Variants in PTPRT observed in about 807,000 individuals in gnomAD.
PTPRT encodes receptor-type tyrosine-protein phosphatase T.
Under a neutral mutation model 176.8 loss-of-function variants are expected in PTPRT, and 56 were observed. The ratio of observed to expected loss-of-function variants is 0.32; its 90% CI spans 0.26 to 0.40. PTPRT has a LOEUF of 0.40. Ranked by LOEUF, PTPRT falls within the 10% of genes least tolerant of loss-of-function variation. The probability of loss-of-function intolerance (pLI) is 1.00; values close to 1 mark genes in which losing one functional copy is unlikely to be tolerated. For synonymous variants in PTPRT, 783 were observed against 739.0 expected (o/e 1.06, Z -0.96); for missense variants, 1,540 against 1,908.2 (o/e 0.81, Z 3.60).
Position 43,070,637 on chromosome 20 carries a change from A to G in PTPRT, c.88+119009T>C, listed in dbSNP as rs184388091. Reference sequence around the variant, plus strand: ...TGGCACATATACACCATGGAATACTATGCAGCCATAAAAGAGGATGAGTTC... The same window carrying G: ...TGGCACATATACACCATGGAATACTGTGCAGCCATAAAAGAGGATGAGTTC... On this transcript the variant is annotated intron_variant, in intron 1 of 30. Transcript: ENST00000373187. Among the ~76,000 whole-genome samples the G allele has an allele frequency of 4.3e-3, 659 of 152,338 alleles. 5 individuals are homozygous for G. The highest frequency in any genetic ancestry group is 0.017 in the Middle Eastern group (5 of 294).
intron 2 of PTPRT, among the ~76,000 whole-genome samples, chr20:42,850,870 G>A (rs1429392222): frequency 1.3e-5 from 2 of 152,118 alleles, no homozygotes; most frequent in African/African-American, 2.4e-5. Context: ...ACCTCCTGAC[G>A]CCCTTTCTTC....
At chr20:42,270,107 T>A (rs1479287996) in intron 13 of PTPRT, among the ~76,000 whole-genome samples, 1 of 152,164 alleles carries the variant, frequency 6.6e-6, no homozygotes, top group African/African-American at 2.4e-5. Context: ...TATCTTCTTT[T>A]GCTCATCATT....
chr20:42,890,460 G>A (rs1354871551), intron 1 of PTPRT, among the ~76,000 whole-genome samples: 1 of 152,160 alleles, frequency 6.6e-6, no homozygotes, highest in Non-Finnish European at 1.5e-5. Context: ...TGAACAAGAT[G>A]ATTGCAATGA....
At chr20:42,495,313 C>G (rs1350295167) in intron 7 of PTPRT, among the ~76,000 whole-genome samples, 1 of 152,176 alleles carries the variant, frequency 6.6e-6, no homozygotes, top group African/African-American at 2.4e-5. Flanking sequence ...AACTGGGCAC[C>G]TAGCCCTCTA....
intron 12 of PTPRT, among the ~76,000 whole-genome samples, chr20:42,314,587 C>G (rs191078480): frequency 3.3e-5 from 5 of 150,248 alleles, no homozygotes; most frequent in African/African-American, 4.9e-5. Flanking sequence ...AATATGACCA[C>G]CTTGATGGAA....
intron 1 of PTPRT, among the ~76,000 whole-genome samples, chr20:42,895,793 G>C (rs1163589388): frequency 3.9e-5 from 6 of 152,052 alleles, no homozygotes; most frequent in Non-Finnish European, 5.9e-5. Flanking sequence ...TTCCTTATTT[G>C]TGGGCTATAT....
At chr20:42,532,648 T>A (rs1016969572) in intron 7 of PTPRT, among the ~76,000 whole-genome samples, 5 of 152,220 alleles carry the variant, frequency 3.3e-5, no homozygotes, top group African/African-American at 1.2e-4. Flanking sequence ...TCTTGTGTAG[T>A]ACTTCCACCT....
At chr20:43,035,622 G>A (rs1473876161) in intron 1 of PTPRT, among the ~76,000 whole-genome samples, 1 of 152,168 alleles carries the variant, frequency 6.6e-6, no homozygotes, top group Non-Finnish European at 1.5e-5. Context: ...GGAAGGAAGA[G>A]AGGAAATTTG....
intron 1 of PTPRT, among the ~76,000 whole-genome samples, chr20:43,152,610 A>C (rs2014395198): frequency 6.6e-6 from 1 of 152,238 alleles, no homozygotes; most frequent in Non-Finnish European, 1.5e-5. Flanking sequence ...AAGTGAATAA[A>C]TTCATAGCAT....
At chr20:42,784,224 G>A (rs1200074963) in intron 3 of PTPRT, among the ~76,000 whole-genome samples, 2 of 152,134 alleles carry the variant, frequency 1.3e-5, no homozygotes, top group East Asian at 3.9e-4. Context: ...AATGGTTTTT[G>A]TTCATACTTG....
intron 2 of PTPRT, among the ~76,000 whole-genome samples, chr20:42,837,627 T>C (rs185204097): frequency 1.7e-4 from 26 of 152,280 alleles, no homozygotes; most frequent in Non-Finnish European, 3.4e-4. Flanking sequence ...CTCACTACAT[T>C]AACAGTATGT....
At chr20:42,518,536 T>G (rs1159950561) in intron 7 of PTPRT, among the ~76,000 whole-genome samples, 1 of 152,144 alleles carries the variant, frequency 6.6e-6, no homozygotes, top group East Asian at 1.9e-4. Context: ...TCACATAAAT[T>G]TTTAAATGCA....
chr20:42,508,822 G>A (rs1051486607), intron 7 of PTPRT, among the ~76,000 whole-genome samples: 2 of 149,844 alleles, frequency 1.3e-5, no homozygotes, highest in Non-Finnish European at 1.5e-5. Flanking sequence ...CCTGGCTTTT[G>A]TACTGGAAAC....
intron 27 of PTPRT, 141 bp downstream of exon 27, chr20:42,098,280 G>C: frequency 8.5e-7 from 1 of 1,181,822 alleles, no homozygotes; most frequent in South Asian, 1.5e-5. Flanking sequence ...TGGCTTGTCT[G>C]ATGCTCGTGG....
intron 7 of PTPRT, among the ~76,000 whole-genome samples, chr20:42,508,584 C>G (rs2071891859): frequency 6.6e-6 from 1 of 152,026 alleles, no homozygotes; most frequent in African/African-American, 2.4e-5. Context: ...AATATTAACT[C>G]ATTTGGTCCT....
chr20:42,449,582 C>T lies in PTPRT; in HGVS notation c.1451-1253G>A, dbSNP rs113517358. Among the ~76,000 whole-genome samples the T allele has an allele frequency of 4.6e-5, 7 of 152,264 alleles. No homozygotes were observed. The East Asian group carries it at 1.2e-3, about 25-fold the overall frequency. On this transcript the variant is annotated intron_variant, in intron 8 of 30. Coordinates refer to ENST00000373187, the MANE Select transcript of PTPRT (RefSeq NM_007050.6). ...CACCTCTGCCCAGTAGGTATTATCT[C>T]CTTTGCGTCGATAAGAGAACTGAGG... is the stretch of plus-strand genomic sequence containing the variant.
intron 13 of PTPRT, among the ~76,000 whole-genome samples, chr20:42,259,944 G>C (rs1328562993): frequency 6.6e-6 from 1 of 152,166 alleles, no homozygotes; most frequent in African/African-American, 2.4e-5. Flanking sequence ...GGCTTCATAG[G>C]AATAGTCCTG....
intron 14 of PTPRT, among the ~76,000 whole-genome samples, chr20:42,247,435 T>C (rs547966985): frequency 6.6e-5 from 10 of 152,342 alleles, no homozygotes; most frequent in African/African-American, 2.4e-4. Context: ...TTTATATTCA[T>C]GTGGTTCCTA....
At chr20:42,724,180 A>G (rs910195351) in intron 6 of PTPRT, among the ~76,000 whole-genome samples, 2 of 152,324 alleles carry the variant, frequency 1.3e-5, no homozygotes, top group Admixed American at 1.3e-4. Context: ...TCACTTTTTA[A>G]TCTAATCAGC....
Sources: gnomAD v4.1 joint callset for allele counts (sites outside exome capture counted in the v4.1 genomes callset) on GRCh38, gnomAD v4.1.1 for gene constraint, MANE v1.5 for transcripts, NCBI Gene and HGNC (gene_info 2026-07-23, HGNC 2026-07-21) for gene names.